The following STK3 variants were observed in gnomAD, a reference collection of about 807,000 sequenced individuals.
The protein encoded by STK3 is serine/threonine kinase 3.
In STK3, 41 loss-of-function variants were observed where a neutral mutation model predicts 58.0. The observed-to-expected ratio is 0.71, with a 90% CI of 0.55 to 0.92. STK3 has a LOEUF of 0.92. STK3 is among the 40% of genes least tolerant of loss of function. The pLI is 0.00. For synonymous variants in STK3, 170 were observed against 191.0 expected (o/e 0.89, Z 0.91); for missense variants, 479 against 602.7 (o/e 0.79, Z 2.15).
chr8:98,464,708 T>C (rs967982810), intron 10 of STK3, among the ~76,000 whole-genome samples: 12 of 152,090 alleles, frequency 7.9e-5, no homozygotes, highest in African/African-American at 2.7e-4. Flanking sequence ...AAGAAAACCC[T>C]ACATATACAT....
chr8:98,513,127 T>G (rs1311231001), intron 10 of STK3, among the ~76,000 whole-genome samples: 1 of 152,192 alleles, frequency 6.6e-6, no homozygotes, highest in Non-Finnish European at 1.5e-5. Flanking sequence ...AGTGTTTAAC[T>G]GTCCCCTGAA....
At position 98,700,595 on chromosome 8, in the gene STK3, G is replaced by T. The variant is rs895754688; in HGVS notation, c.684+5872C>A. 2.6e-5 allele frequency among the ~76,000 whole-genome samples: 4 copies of T among 152,160 alleles called. No individual in the cohort carries two copies. In the East Asian group the frequency reaches 5.8e-4, roughly 22 times the overall value. On this transcript the variant is annotated intron_variant, in intron 6 of 10. Coordinates refer to ENST00000419617, the MANE Select transcript of STK3 (RefSeq NM_006281.4). ...ATGTGAGTTAAATTTCCAGAAAGTT[G>T]ACAAGTGCCTCCAATTATCTCCTTA... is the stretch of plus-strand genomic sequence containing the variant.
chr8:98,693,141 A>T (rs1824534294), intron 6 of STK3, among the ~76,000 whole-genome samples: 1 of 152,192 alleles, frequency 6.6e-6, no homozygotes, highest in Non-Finnish European at 1.5e-5. Flanking sequence ...TCACACCTGT[A>T]ATCCCAGCAC....
At chr8:98,850,392 A>C (rs1836411706) in intron 3 of STK3, among the ~76,000 whole-genome samples, 1 of 152,170 alleles carries the variant, frequency 6.6e-6, no homozygotes, top group Non-Finnish European at 1.5e-5. Flanking sequence ...TGGGACAAGG[A>C]CCCTGTCTTC....
chr8:98,696,005 G>T (rs1349396267), intron 6 of STK3, among the ~76,000 whole-genome samples: 1 of 152,032 alleles, frequency 6.6e-6, no homozygotes, highest in African/African-American at 2.4e-5. Context: ...AGCATGGAAT[G>T]TTCTTCCATT....
At chr8:98,475,775 C>T (rs530370854) in intron 10 of STK3, among the ~76,000 whole-genome samples, 1 of 152,276 alleles carries the variant, frequency 6.6e-6, no homozygotes, top group East Asian at 1.9e-4. Flanking sequence ...TTATAAATGG[C>T]GGATTTAACA....
rs1378256926 is a variant in STK3 at position 98,639,136 on chromosome 8, G to C, written c.685-42967C>G. On this transcript the variant is annotated intron_variant, in intron 6 of 10. Coordinates refer to ENST00000419617, the MANE Select transcript of STK3 (RefSeq NM_006281.4). ...TTTTTTTTTTTTTTTTTTGAGCAAG[G>C]TCTTATTCTGTCACCCACACTGGAA... Among the ~76,000 whole-genome samples, 7 of 148,198 alleles carry C rather than the reference G, an allele frequency of 4.7e-5. No individual in the cohort carries two copies. The South Asian group carries it at 8.5e-4, about 18-fold the overall frequency.
chr8:98,698,289 C>G (rs1009199998), intron 6 of STK3, among the ~76,000 whole-genome samples: 13 of 151,644 alleles, frequency 8.6e-5, no homozygotes, highest in African/African-American at 3.2e-4. Context: ...CTGAATACAG[C>G]ACACTGATGG....
At chr8:98,473,965 T>A (rs558113766) in intron 10 of STK3, among the ~76,000 whole-genome samples, 17 of 152,284 alleles carry the variant, frequency 1.1e-4, no homozygotes, top group African/African-American at 3.9e-4. Flanking sequence ...TTCTATTAGA[T>A]GTCTCCTGGG....
the STK3 span, among the ~76,000 whole-genome samples, chr8:98,358,224 T>C: frequency 1.3e-5 from 2 of 152,240 alleles, no homozygotes; most frequent in Admixed American, 1.3e-4. Flanking sequence ...ATGCGTGAAG[T>C]GAGGTACACG....
intron 6 of STK3, among the ~76,000 whole-genome samples, chr8:98,649,371 T>A (rs1820689974): frequency 6.6e-6 from 1 of 152,212 alleles, no homozygotes; most frequent in African/African-American, 2.4e-5. Flanking sequence ...TTTATTTTTC[T>A]TTCATAGCTC....
At chr8:98,558,857 A>C (rs1253705919) in intron 8 of STK3, among the ~76,000 whole-genome samples, 2 of 152,098 alleles carry the variant, frequency 1.3e-5, no homozygotes, top group Non-Finnish European at 2.9e-5. Context: ...ACCTACATAA[A>C]CTTAGATATA....
intron 6 of STK3, among the ~76,000 whole-genome samples, chr8:98,675,373 T>C (rs976891705): frequency 2.0e-5 from 3 of 152,240 alleles, no homozygotes; most frequent in Admixed American, 1.3e-4. Context: ...AAAGATGTGA[T>C]TTTCTTGCAC....
chr8:98,633,263 GA>G (rs1389542592), intron 6 of STK3, among the ~76,000 whole-genome samples: 1 of 152,180 alleles, frequency 6.6e-6, no homozygotes, highest in African/African-American at 2.4e-5. Flanking sequence ...ATGGCTAAAG[GA>G]AAGGAAATAT....
In STK3 at chr8:98,712,522, C is replaced by T. The variant is rs575293713; in HGVS notation, c.352-5211G>A. ...AAACAGACGTTAAACCAACAAAGAT[C>T]AAAAGAGACAAAGAAGGCCATTACA... On this transcript the variant is annotated intron_variant, in intron 4 of 10. Coordinates refer to ENST00000419617, the MANE Select transcript of STK3 (RefSeq NM_006281.4). 3.1e-3 allele frequency among the ~76,000 whole-genome samples: 468 copies of T among 151,000 alleles called. 1 individual carries two copies. Among genetic ancestry groups the T allele is most frequent in the African/African-American group, 0.011 (441 of 40,938 alleles).
downstream of STK3, among the ~76,000 whole-genome samples, chr8:98,399,483 G>T (rs1357407265): frequency 1.3e-5 from 2 of 152,254 alleles, no homozygotes; most frequent in Non-Finnish European, 2.9e-5. Flanking sequence ...GGAGACTGGA[G>T]GGGAGATATT....
At chr8:98,632,707 GAATT>G (rs929296644) in intron 6 of STK3, among the ~76,000 whole-genome samples, 2 of 152,028 alleles carry the variant, frequency 1.3e-5, no homozygotes, top group African/African-American at 4.8e-5. Context: ...AGTATAAAAT[GAATT>G]ATTTTAAATA....
chr8:98,786,617 A>G (rs1364326698), intron 1 of STK3, among the ~76,000 whole-genome samples: 2 of 152,234 alleles, frequency 1.3e-5, no homozygotes, highest in African/African-American at 2.4e-5. Flanking sequence ...AAATTGAACA[A>G]AGTCTTTAAG....
chr8:98,410,018 T>C (rs1179636386), intron 3 of STK3, among the ~76,000 whole-genome samples: 1 of 152,260 alleles, frequency 6.6e-6, no homozygotes, highest in Non-Finnish European at 1.5e-5. Context: ...TTCTCTGCAC[T>C]TGTGTTTCCT....
Sources: allele counts gnomAD v4.1 joint callset (sites outside exome capture counted in the v4.1 genomes callset), GRCh38; gene constraint gnomAD v4.1.1; transcripts MANE v1.5; gene names NCBI Gene and HGNC (gene_info 2026-07-23, HGNC 2026-07-21).